Variants in RUNX2 observed in about 807,000 individuals in gnomAD.
The protein encoded by RUNX2 is RUNX family transcription factor 2.
A neutral mutation model predicts 51.7 loss-of-function variants in RUNX2; 10 were observed. The observed-to-expected ratio is 0.19, with a 90% CI of 0.12 to 0.33. The LOEUF is 0.33. Ranked by LOEUF, RUNX2 falls within the 10% of genes least tolerant of loss-of-function variation. The probability of loss-of-function intolerance (pLI) is 1.00; values close to 1 mark genes in which losing one functional copy is unlikely to be tolerated. For synonymous variants in RUNX2, 276 were observed against 273.6 expected, an observed-to-expected ratio of 1.01 and a Z score of -0.09; for missense variants, 562 against 691.3, an observed-to-expected ratio of 0.81 and a Z score of 2.10.
chr6:45,369,270 T>C (rs751064583), intron 2 of RUNX2, among the ~76,000 whole-genome samples: 2 of 152,020 alleles, frequency 1.3e-5, no homozygotes, highest in Non-Finnish European at 2.9e-5. Flanking sequence ...CAGTTCTCTC[T>C]ACTTGCAATA....
chr6:45,526,541 A>G (rs1014338583), intron 7 of RUNX2, among the ~76,000 whole-genome samples: 2 of 152,240 alleles, frequency 1.3e-5, no homozygotes, highest in African/African-American at 4.8e-5. Flanking sequence ...GATTTGAATC[A>G]TAACGAGATT....
chr6:45,451,562 C>T (rs1463654562), intron 5 of RUNX2, among the ~76,000 whole-genome samples: 6 of 152,116 alleles, frequency 3.9e-5, no homozygotes, highest in East Asian at 1.9e-4. Context: ...GACTTGGGAT[C>T]GTTTAGCTTC....
At chr6:45,424,606 C>T (rs1232742242) in intron 3 of RUNX2, among the ~76,000 whole-genome samples, 2 of 152,114 alleles carry the variant, frequency 1.3e-5, no homozygotes, top group African/African-American at 4.8e-5. Flanking sequence ...GGCCAAACTC[C>T]CACGGGCCAC....
intron 7 of RUNX2, among the ~76,000 whole-genome samples, chr6:45,539,664 G>T (rs1436962550): frequency 6.6e-6 from 1 of 152,150 alleles, no homozygotes; most frequent in Admixed American, 6.5e-5. Context: ...GTCTACATTT[G>T]ACTTTTGAAT....
intron 2 of RUNX2, among the ~76,000 whole-genome samples, chr6:45,413,357 T>C (rs1342601467): frequency 6.7e-6 from 1 of 149,940 alleles, no homozygotes; most frequent in Admixed American, 6.6e-5. Flanking sequence ...CACCCTTACA[T>C]AGTGAAGGTC....
At chr6:45,384,706 CTTTTT>C (rs56307239) in intron 2 of RUNX2, among the ~76,000 whole-genome samples, 8 of 61,202 alleles carry the variant, frequency 1.3e-4, no homozygotes, top group South Asian at 6.9e-4. Context: ...ATTAGGGTGT[CTTTTT>C]TTTTTTTTTT....
chr6:45,345,963 T>C (rs1314279459), intron 2 of RUNX2, among the ~76,000 whole-genome samples: 1 of 152,168 alleles, frequency 6.6e-6, no homozygotes, highest in Non-Finnish European at 1.5e-5. Flanking sequence ...TCTCCCGTAC[T>C]TGCAATATTC....
In RUNX2 at chr6:45,547,460, A is replaced by G. The variant is rs1016786049; in HGVS notation, c.*155A>G. On this transcript the variant is annotated 3_prime_UTR_variant, in exon 9 of 9. Transcript: ENST00000647337. ...TTTTTCATTCACTCACTCAGTCATG[A>G]TCTTGCAGCCATAAGAGGGTAGATA... 8.3e-4 allele frequency: 572 copies of G among 685,080 alleles called. 6 individuals are homozygous for G. Among genetic ancestry groups the G allele is most frequent in the Admixed American group, 1.5e-4 (7 of 45,712 alleles). The allele number at this position is 685,080 out of a possible 1,614,324, so 42.4% of individuals were successfully genotyped here.
chr6:45,337,373 G>A (rs1302966648), intron 2 of RUNX2, among the ~76,000 whole-genome samples: 12 of 150,922 alleles, frequency 8.0e-5, no homozygotes, highest in African/African-American at 1.5e-4. Context: ...TCCAGCATTC[G>A]AAGAAAAAAA....
intron 7 of RUNX2, among the ~76,000 whole-genome samples, chr6:45,537,083 T>C (rs1314836815): frequency 6.6e-6 from 1 of 152,218 alleles, no homozygotes; most frequent in Non-Finnish European, 1.5e-5. Context: ...TGTGTACTGT[T>C]ACCAATTCCT....
rs1037965600 is a variant in RUNX2 at position 45,431,541 on chromosome 6, G to C, written c.424-322G>C. Among the ~76,000 whole-genome samples the C allele has an allele frequency of 2.0e-5, 3 of 152,292 alleles. No homozygotes were observed. In the East Asian group the frequency reaches 5.8e-4, roughly 29 times the overall value. On this transcript the variant is annotated intron_variant, in intron 3 of 8. Transcript: ENST00000647337. ...CTGTATGATGCAATCTGCAGATGGGGCATCCCTCTTCCTTCTGTGGCATAA... is the reference window on the plus strand; with the variant it reads ...CTGTATGATGCAATCTGCAGATGGGCCATCCCTCTTCCTTCTGTGGCATAA...
intron 2 of RUNX2, among the ~76,000 whole-genome samples, chr6:45,400,050 G>A (rs1219558365): frequency 8.3e-6 from 1 of 120,148 alleles, no homozygotes; most frequent in African/African-American, 2.8e-5. Flanking sequence ...AAGAAGGAAA[G>A]GAGGGAGGGA....
chr6:45,356,173 C>T (rs1042589544), intron 2 of RUNX2, among the ~76,000 whole-genome samples: 1 of 151,860 alleles, frequency 6.6e-6, no homozygotes, highest in African/African-American at 2.4e-5. Flanking sequence ...TTTCTAATGA[C>T]TACAACAACA....
chr6:45,377,770 C>G (rs957092546), intron 2 of RUNX2: 1 of 152,476 alleles, frequency 6.6e-6, no homozygotes, highest in Admixed American at 6.5e-5. Flanking sequence ...CCTACAACCT[C>G]TGCTTTAAGA....
At chr6:45,333,476 AAGGGCAT>A (rs1246646222) in intron 2 of RUNX2, among the ~76,000 whole-genome samples, 2 of 151,522 alleles carry the variant, frequency 1.3e-5, no homozygotes, top group African/African-American at 4.8e-5. Context: ...ACTATTTATT[AAGGGCAT>A]AGGACTCAAG....
At chr6:45,404,273 AAGAAAAAGAAAAAAG>A (rs1797784105) in intron 2 of RUNX2, among the ~76,000 whole-genome samples, 1 of 139,428 alleles carries the variant, frequency 7.2e-6, no homozygotes, top group Non-Finnish European at 1.6e-5. Context: ...AAAAAAAAAA[AAGAAAAAGAAAAAAG>A]AAAAAAAAAA....
intron 2 of RUNX2, among the ~76,000 whole-genome samples, chr6:45,386,393 G>A (rs2150344777): frequency 6.6e-6 from 1 of 152,176 alleles, no homozygotes; most frequent in East Asian, 1.9e-4. Flanking sequence ...CAAAGAAATT[G>A]GAGATCATTT....
intron 4 of RUNX2, among the ~76,000 whole-genome samples, chr6:45,435,125 C>T (rs1244742362): frequency 2.6e-5 from 4 of 152,276 alleles, no homozygotes; most frequent in East Asian, 3.9e-4. Context: ...TTTCCTCCCC[C>T]AAACCCATCT....
Position 45,520,657 on chromosome 6 carries a change from G to A in RUNX2, c.1021+8250G>A, listed in dbSNP as rs73737451. 3.3e-5 allele frequency among the ~76,000 whole-genome samples: 5 copies of A among 151,568 alleles called. No individual in the cohort carries two copies. The East Asian group carries it at 5.8e-4, about 18-fold the overall frequency. On this transcript the variant is annotated intron_variant, in intron 7 of 8. Transcript: ENST00000647337. ...AACACCACTTTCTTCAAAGTGAATC[G>A]CTGTCTCATCTACACCCATTTGTAT...
Sources: allele counts gnomAD v4.1 joint callset (sites outside exome capture counted in the v4.1 genomes callset), GRCh38; gene constraint gnomAD v4.1.1; transcripts MANE v1.5; gene names NCBI Gene and HGNC (gene_info 2026-07-23, HGNC 2026-07-21).